THSD7A: variants seen among roughly 807,000 people sequenced by gnomAD.
The protein encoded by THSD7A is thrombospondin type 1 domain containing 7A.
In THSD7A, 96 loss-of-function variants were observed where a neutral mutation model predicts 231.3. The ratio of observed to expected loss-of-function variants is 0.41; its 90% confidence interval spans 0.35 to 0.49. THSD7A has a LOEUF of 0.49. THSD7A is among the 20% of genes least tolerant of loss of function. The pLI, the probability that THSD7A is intolerant of heterozygous loss-of-function variation, is 0.05. For missense variants in THSD7A, 2,290 were observed against 2,070.2 expected (o/e 1.11, Z -2.06); for synonymous variants, 940 against 743.3 (o/e 1.26, Z -4.30).
intron 1 of THSD7A, among the ~76,000 whole-genome samples, chr7:11,693,040 A>G (rs1228376270): frequency 6.6e-6 from 1 of 151,538 alleles, no homozygotes; most frequent in African/African-American, 2.4e-5. Flanking sequence ...AATAACAAAT[A>G]TATTCCTCAG....
At chr7:11,629,983 A>G (rs1013620451) in intron 2 of THSD7A, among the ~76,000 whole-genome samples, 1 of 152,172 alleles carries the variant, frequency 6.6e-6, no homozygotes, top group Non-Finnish European at 1.5e-5. Flanking sequence ...AGAAAGTGTA[A>G]ATGACTTGTT....
intron 1 of THSD7A, among the ~76,000 whole-genome samples, chr7:11,754,803 T>G (rs1038780709): frequency 1.3e-5 from 2 of 152,090 alleles, no homozygotes; most frequent in Non-Finnish European, 2.9e-5. Flanking sequence ...TATTATATAG[T>G]TTATGTTGAG....
rs1785213686 is a variant in THSD7A at position 11,832,026 on chromosome 7, A to G, written c.-80T>C. The G allele has an allele frequency of 3.1e-6, 3 of 971,684 alleles. No individual in the cohort carries two copies. Among genetic ancestry groups the G allele is most frequent in the East Asian group, 7.2e-5 (2 of 27,686 alleles). The allele number at this position is 971,684 out of a possible 1,614,324, so 60.2% of individuals were successfully genotyped here. A position where few individuals can be genotyped will look rare whatever the true frequency, so the allele number is the denominator to read the frequency against. ...TTCTCCGCTCTTGGAACGTCTTTTCAAAGAGTACAGAAAGCAAAGCTCTTT... is the reference window on the plus strand; with the variant it reads ...TTCTCCGCTCTTGGAACGTCTTTTCGAAGAGTACAGAAAGCAAAGCTCTTT... On this transcript the variant is annotated 5_prime_UTR_variant, in exon 1 of 28. Coordinates refer to ENST00000423059, the MANE Select transcript of THSD7A (RefSeq NM_015204.3).
At chr7:11,810,450 T>C (rs1412975808) in intron 1 of THSD7A, among the ~76,000 whole-genome samples, 2 of 152,062 alleles carry the variant, frequency 1.3e-5, no homozygotes, top group African/African-American at 4.8e-5. Flanking sequence ...TATGTCTACA[T>C]CTCCTTGAAA....
chr7:11,701,978 A>ACAGG (rs1780618659), intron 1 of THSD7A, among the ~76,000 whole-genome samples: 1 of 150,996 alleles, frequency 6.6e-6, no homozygotes, highest in East Asian at 2.0e-4. Flanking sequence ...AATTGGGTGT[A>ACAGG]CCTTGTTGCC....
intron 2 of THSD7A, among the ~76,000 whole-genome samples, chr7:11,628,024 T>A (rs1781527205): frequency 6.6e-6 from 1 of 152,110 alleles, no homozygotes; most frequent in African/African-American, 2.4e-5. Context: ...CCATAGTGAT[T>A]GGCAAAATAT....
intron 17 of THSD7A, among the ~76,000 whole-genome samples, chr7:11,414,840 C>T (rs11764544): frequency 0.054 from 8,203 of 152,214 alleles, 333 homozygotes; most frequent in Non-Finnish European, 0.087. Flanking sequence ...AGGTCTTGTT[C>T]GTTTCTGCAG....
intron 11 of THSD7A, among the ~76,000 whole-genome samples, chr7:11,459,262 T>C (rs1445184845): frequency 1.3e-5 from 2 of 152,040 alleles, no homozygotes; most frequent in Non-Finnish European, 2.9e-5. Flanking sequence ...ACACACTGTA[T>C]TAGTAAAAGA....
chr7:11,478,065 A>C (rs1368563578), intron 7 of THSD7A, among the ~76,000 whole-genome samples: 1 of 152,190 alleles, frequency 6.6e-6, no homozygotes, highest in Admixed American at 6.6e-5. Context: ...CAGCAATAAA[A>C]AAACCAACTC....
intron 6 of THSD7A, among the ~76,000 whole-genome samples, chr7:11,539,651 C>T (rs898395193): frequency 6.6e-6 from 1 of 152,150 alleles, no homozygotes; most frequent in African/African-American, 2.4e-5. Context: ...ATAAGTTTCA[C>T]TTAACAAAAT....
chr7:11,535,289 T>C (rs1426696150), intron 6 of THSD7A, among the ~76,000 whole-genome samples: 1 of 152,108 alleles, frequency 6.6e-6, no homozygotes, highest in African/African-American at 2.4e-5. Flanking sequence ...AAAGTATTTT[T>C]TACTAAGATA....
chr7:11,662,436 C>T (rs1373009422), intron 1 of THSD7A, among the ~76,000 whole-genome samples: 1 of 151,260 alleles, frequency 6.6e-6, no homozygotes, highest in Non-Finnish European at 1.5e-5. Context: ...AGGAGAAATA[C>T]AGAGAGGTAT....
At chr7:11,409,988 C>T (rs1003606298) in intron 19 of THSD7A, among the ~76,000 whole-genome samples, 6 of 152,076 alleles carry the variant, frequency 3.9e-5, no homozygotes, top group Non-Finnish European at 5.9e-5. Context: ...GTGATCCGCC[C>T]GACTGAGCCT....
At chr7:11,781,606 A>G (rs1382101508) in intron 1 of THSD7A, among the ~76,000 whole-genome samples, 2 of 152,196 alleles carry the variant, frequency 1.3e-5, no homozygotes, top group East Asian at 1.9e-4. Context: ...AATAAAGTAG[A>G]TATTATCAAA....
chr7:11,626,922 G>C lies in THSD7A; in HGVS notation c.1022+9208C>G, dbSNP rs370352630. 5.9e-5 allele frequency among the ~76,000 whole-genome samples: 9 copies of C among 152,168 alleles called. No homozygotes were observed. In the East Asian group the frequency reaches 1.7e-3, roughly 29 times the overall value. The stretch of plus-strand genomic sequence containing the variant: ...CTTAATTGAATAAAACATATCTTTT[G>C]AGGATATTCTTTTACATGTTCTGGT... On this transcript the variant is annotated intron_variant, in intron 2 of 27. Transcript: ENST00000423059.
At chr7:11,500,515 G>A (rs1374243202) in intron 6 of THSD7A, among the ~76,000 whole-genome samples, 2 of 152,112 alleles carry the variant, frequency 1.3e-5, no homozygotes, top group Admixed American at 6.6e-5. Flanking sequence ...ACAAGGCACA[G>A]AGTGGCAAGC....
intron 1 of THSD7A, among the ~76,000 whole-genome samples, chr7:11,655,264 G>T (rs1036906371): frequency 6.6e-6 from 1 of 151,838 alleles, no homozygotes; most frequent in Admixed American, 6.6e-5. Context: ...TCTGTGATTT[G>T]TTAGGATCCA....
intron 1 of THSD7A, among the ~76,000 whole-genome samples, chr7:11,658,534 A>T (rs1782794063): frequency 6.6e-6 from 1 of 151,456 alleles, no homozygotes; most frequent in Admixed American, 6.6e-5. Flanking sequence ...TTACATTTTC[A>T]TAGGTTCTAT....
chr7:11,372,753 A>G lies in THSD7A; in HGVS notation c.*3041T>C, dbSNP rs140181103. On this transcript the variant is annotated 3_prime_UTR_variant, in exon 28 of 28. Coordinates refer to ENST00000423059, the MANE Select transcript of THSD7A (RefSeq NM_015204.3). Reference sequence around the variant, plus strand: ...AGGTAAAAGTGTCAATAGAGAAGTTACTACTATATTCCCCTCCCAAATTTT... The same window carrying G: ...AGGTAAAAGTGTCAATAGAGAAGTTGCTACTATATTCCCCTCCCAAATTTT... The G allele has an allele frequency of 2.0e-5, 3 of 152,206 alleles. No individual in the cohort carries two copies. Among genetic ancestry groups the G allele is most frequent in the African/African-American group, 7.2e-5 (3 of 41,542 alleles). The allele number at this position is 152,206 out of a possible 1,614,324, so 9.4% of individuals were successfully genotyped here.
Sources: allele counts gnomAD v4.1 joint callset (sites outside exome capture counted in the v4.1 genomes callset), GRCh38; gene constraint gnomAD v4.1.1; transcripts MANE v1.5; gene names NCBI Gene and HGNC (gene_info 2026-07-23, HGNC 2026-07-21).